Variants in ADAMTS9 observed in about 807,000 individuals in gnomAD.
ADAMTS9 encodes A disintegrin and metalloproteinase with thrombospondin motifs 9.
Under a neutral mutation model 257.1 loss-of-function variants are expected in ADAMTS9, and 107 were observed. The ratio of observed to expected loss-of-function variants is 0.42; its 90% CI spans 0.36 to 0.49. The LOEUF (loss-of-function observed/expected upper bound fraction) is 0.49. ADAMTS9 is among the 20% of genes least tolerant of loss of function. The probability of loss-of-function intolerance (pLI) is 0.03; values close to 1 mark genes in which losing one functional copy is unlikely to be tolerated. For synonymous variants in ADAMTS9, 982 were observed against 880.9 expected (o/e 1.11, Z -2.03); for missense variants, 2,353 against 2,469.1 (o/e 0.95, Z 1.00).
At chr3:64,643,549 C>T (rs956227052) in intron 11 of ADAMTS9, among the ~76,000 whole-genome samples, 51 of 147,770 alleles carry the variant, frequency 3.5e-4, no homozygotes, top group African/African-American at 1.1e-3. Context: ...ACGTCCCAGG[C>T]TCAACTGATC....
chr3:64,593,081 C>G (rs769884545), intron 28 of ADAMTS9, among the ~76,000 whole-genome samples: 20 of 152,154 alleles, frequency 1.3e-4, no homozygotes, highest in Non-Finnish European at 2.2e-4. Context: ...GACCAGAGCT[C>G]TCTGACCCAG....
rs142376222 is a variant in ADAMTS9, at chr3:64,631,993, T to C, written c.2176-68A>G. The stretch of plus-strand genomic sequence containing the variant: ...AGATTATAAAATGGCAAATAATGTG[T>C]TTCTTTTAATCGTGTGCACTAAAAA... On this transcript the variant is annotated intron_variant, in intron 14 of 39. Coordinates refer to ENST00000498707, the MANE Select transcript of ADAMTS9 (RefSeq NM_182920.2). The C allele has an allele frequency of 5.8e-4, 708 of 1,214,194 alleles. 5 individuals are homozygous for C. In the East Asian group the frequency reaches 0.015, roughly 26 times the overall value. The allele number at this position is 1,214,194 out of a possible 1,614,324, so 75.2% of individuals were successfully genotyped here. A position where few individuals can be genotyped will look rare whatever the true frequency, so the allele number is the denominator to read the frequency against.
In ADAMTS9 at chr3:64,522,480, G is replaced by A. The variant is rs150990345; in HGVS notation, c.5719-220C>T. On this transcript the variant is annotated intron_variant, in intron 38 of 39. Transcript: ENST00000498707. ...GTTTCTGTATGGCTTGCAAGCTAAG[G>A]ATGATTTTTATATTTTTAAATAATT... is the stretch of plus-strand genomic sequence containing the variant. 1,025 of 387,404 alleles carry A rather than the reference G, an allele frequency of 2.6e-3. 2 individuals carry two copies. Among genetic ancestry groups the A allele is most frequent in the Non-Finnish European group, 3.7e-3 (812 of 217,208 alleles). 24.0% of individuals were successfully genotyped at this position (387,404 alleles called of 1,614,324 possible). A position where few individuals can be genotyped will look rare whatever the true frequency, so the allele number is the denominator to read the frequency against.
chr3:64,674,386 G>A (rs1401104641), intron 3 of ADAMTS9, among the ~76,000 whole-genome samples: 1 of 152,180 alleles, frequency 6.6e-6, no homozygotes, highest in East Asian at 1.9e-4. Context: ...TTCATAATCA[G>A]TCTTGAGTTG....
At chr3:64,654,814 G>T in intron 6 of ADAMTS9, 1 of 588,296 alleles carries the variant, frequency 1.7e-6, no homozygotes, top group South Asian at 2.3e-5. Flanking sequence ...ACTACATTAA[G>T]AAGTTTTCTT....
chr3:64,631,860 G>A lies in ADAMTS9; in HGVS notation c.2241C>T (p.Gly747=), dbSNP rs997586195. The A allele has an allele frequency of 3.7e-6, 6 of 1,613,738 alleles. No homozygotes were observed. The highest frequency in any genetic ancestry group is 1.3e-5 in the African/African-American group (1 of 74,862). ...ARRDKCGVCG[G]DNSSCKTVAG... Reference sequence around the variant, plus strand: ...CCACTGTTTTGCATGAAGAATTATCGCCACCACAAACCCCACATTTATCTC... The same window carrying A: ...CCACTGTTTTGCATGAAGAATTATCACCACCACAAACCCCACATTTATCTC... Residue 747 remains glycine (G), a synonymous_variant, in exon 15 of 40, where the codon GGC becomes GGT. Transcript: ENST00000498707.
At chr3:64,620,774 C>T (rs1156795838) in intron 19 of ADAMTS9, among the ~76,000 whole-genome samples, 1 of 152,090 alleles carries the variant, frequency 6.6e-6, no homozygotes, top group Non-Finnish European at 1.5e-5. Flanking sequence ...ATGAGGTTCT[C>T]CCCCTTTTCT....
At chr3:64,559,021 G>A (rs2083380030) in intron 30 of ADAMTS9, among the ~76,000 whole-genome samples, 1 of 152,132 alleles carries the variant, frequency 6.6e-6, no homozygotes, top group Non-Finnish European at 1.5e-5. Flanking sequence ...TGAGGGCTGT[G>A]ATTTAGGGGA....
intron 22 of ADAMTS9, among the ~76,000 whole-genome samples, chr3:64,610,862 G>C (rs1167992755): frequency 6.6e-6 from 1 of 151,946 alleles, no homozygotes; most frequent in Admixed American, 6.6e-5. Context: ...AGATCACGAG[G>C]TCAGGAGATA....
At chr3:64,531,459 CATTGTGTACTTAAAAAAAAAAA>C (rs1419603580) in intron 38 of ADAMTS9, among the ~76,000 whole-genome samples, 1 of 149,226 alleles carries the variant, frequency 6.7e-6, no homozygotes, top group African/African-American at 2.5e-5. Flanking sequence ...AAACAGTGTT[CATTGTGTACTTAAAAAAAAAAA>C]AAAAGAGATG....
intron 30 of ADAMTS9, among the ~76,000 whole-genome samples, chr3:64,555,012 G>A (rs912255252): frequency 3.7e-4 from 57 of 152,260 alleles, no homozygotes; most frequent in African/African-American, 1.3e-3. Context: ...ACCATGGGGG[G>A]AAGAAAACCG....
rs1227579877 is a variant in ADAMTS9 at position 64,622,320 on chromosome 3, G to A, written c.2564C>T (p.Ser855Leu). The A allele has an allele frequency of 3.1e-6, 5 of 1,613,388 alleles. No individual in the cohort carries two copies. Among genetic ancestry groups the A allele is most frequent in the South Asian group, 2.2e-5 (2 of 91,018 alleles). Residue 855 changes from serine to leucine, a missense_variant, in exon 18 of 40, where the codon TCG (serine) becomes TTG (leucine). This residue lies in a region of ADAMTS9 where 1,402 missense variants were observed against 1,441.4 expected (regional missense o/e 0.97). Coordinates refer to ENST00000498707, the MANE Select transcript of ADAMTS9 (RefSeq NM_182920.2). The stretch of plus-strand genomic sequence containing the variant: ...ATCGGGGTTGTACAACTTTCCCACC[G>A]ACAAAACCTAGAATGTGTGGACAAA... Reference protein sequence around the residue: ...IEQELLLQVLSVGKLYNPDVR... With the variant: ...IEQELLLQVLLVGKLYNPDVR...
At position 64,607,069 on chromosome 3, in the gene ADAMTS9, G is replaced by A. The variant is rs148601444; in HGVS notation, c.3365C>T (p.Thr1122Ile). 9 of 1,613,624 alleles carry A rather than the reference G, an allele frequency of 5.6e-6. No homozygotes were observed. The African/African-American group carries it at 1.1e-4, about 19-fold the overall frequency. The stretch of plus-strand genomic sequence containing the variant: ...TCTTAGCTGGTATCCCTGTCCACAA[G>A]TGACACTGCACTGGAAGAAGGAGGA... ...QAGPWGQCSV[T>I]CGQGYQLRAV... Residue 1122 changes from threonine to isoleucine, a missense_variant, in exon 23 of 40, where the codon ACT becomes ATT. Thr to Ile is a moderately conservative substitution (Grantham distance 89). Transcript: ENST00000498707.
rs1046694133 is a variant in ADAMTS9 at position 64,633,722 on chromosome 3, G to T, written c.2014C>A (p.Arg672Ser). 1.2e-6 allele frequency: 2 copies of T among 1,613,558 alleles called. No homozygotes were observed. Among genetic ancestry groups the T allele is most frequent in the African/African-American group, 1.3e-5 (1 of 74,794 alleles). Residue 672 changes from arginine (R) to serine (S), a missense_variant, in exon 13 of 40, where the codon CGC (arginine) becomes AGC (serine). By Grantham distance (110) the Arg-to-Ser change is moderately radical (BLOSUM62 -1). This residue lies in a region of ADAMTS9 where 360 missense variants were observed against 458.1 expected (regional missense o/e 0.79). Transcript: ENST00000498707. ...CTTCCACTGTATTTAGGGACCCAGC[G>T]CACATTGGGAAGCAGACCGTTGATG... ...FNINGLLPNV[R>S]WVPKYSGILM...
chr3:64,687,586 G>C lies in ADAMTS9; in HGVS notation c.72C>G (p.Asp24Glu). 1 of 1,578,630 alleles carries C rather than the reference G, an allele frequency of 6.3e-7. No homozygotes were observed. Among genetic ancestry groups the C allele is most frequent in the Non-Finnish European group, 8.6e-7 (1 of 1,163,504 alleles). The change falls in exon 1 of 40, where the codon GAC becomes GAG. Residue 24 changes from aspartate to glutamate, a missense_variant. By Grantham distance (45) the Asp-to-Glu change is conservative. This residue lies in a region of ADAMTS9 where 591 missense variants were observed against 569.6 expected (regional missense o/e 1.04). Transcript: ENST00000498707. The surrounding 1 kb of genome is among the most constrained non-coding windows in gnomAD (Gnocchi z 4.4). ...VRDLAEMGSPDAAAAVRKDRL... is the reference protein window; with the variant it reads ...VRDLAEMGSPEAAAAVRKDRL... ...TGTCCTTGCGCACGGCCGCCGCGGC[G>C]TCTGGGCTCCCCATCTCGGCCAGGT...
chr3:64,601,869 G>T (rs2084468014), intron 26 of ADAMTS9, 75 bp downstream of exon 26: 1 of 1,490,494 alleles, frequency 6.7e-7, no homozygotes, highest in African/African-American at 1.4e-5. Flanking sequence ...ATGCTCTAAA[G>T]GTGTTTCTAG....
chr3:64,622,515 G>A lies in ADAMTS9; in HGVS notation c.2461C>T (p.Arg821Cys), dbSNP rs1464529267. 3.1e-6 allele frequency: 5 copies of A among 1,613,908 alleles called. No homozygotes were observed. Among genetic ancestry groups the A allele is most frequent in the Admixed American group, 3.3e-5 (2 of 59,980 alleles). The change falls in exon 17 of 40, where the codon CGC becomes TGC. Residue 821 changes from arginine (R) to cysteine (C), a missense_variant. Coordinates refer to ENST00000498707, the MANE Select transcript of ADAMTS9 (RefSeq NM_182920.2). ...FVVTMAKREIRIGNAVVEYSG... is the reference protein window; with the variant it reads ...FVVTMAKREICIGNAVVEYSG... ...TACTCTACCACAGCATTCCCAATGC[G>A]AATTTCCCTTTTGGCCATTGTGACA...
chr3:64,568,440 C>T lies in ADAMTS9; in HGVS notation c.4452G>A (p.Leu1484=), dbSNP rs775980668. 1 of 1,614,038 alleles carries T rather than the reference C, an allele frequency of 6.2e-7. No homozygotes were observed. The highest frequency in any genetic ancestry group is 2.2e-5 in the East Asian group (1 of 44,864). ...ACTTTCTGTGCCCATGTGGCTTAGC[C>T]AGGTGCTTACAGTAATCACTTTCTA... is the stretch of plus-strand genomic sequence containing the variant. The part of the protein sequence containing the change: ...SHLESDYCKH[L]AKPHGHRKCR... The change falls in exon 29 of 40, where the codon CTG becomes CTA. Residue 1484 remains leucine (L), a synonymous_variant. Coordinates refer to ENST00000498707, the MANE Select transcript of ADAMTS9 (RefSeq NM_182920.2).
In ADAMTS9 at chr3:64,522,273, G is replaced by A. The variant is rs759616592; in HGVS notation, c.5719-13C>T. 4 of 1,612,682 alleles carry A rather than the reference G, an allele frequency of 2.5e-6. No individual in the cohort carries two copies. Among genetic ancestry groups the A allele is most frequent in the Non-Finnish European group, 3.4e-6 (4 of 1,178,804 alleles). On this transcript the variant is annotated splice_polypyrimidine_tract_variant and intron_variant, in intron 38 of 39. Coordinates refer to ENST00000498707, the MANE Select transcript of ADAMTS9 (RefSeq NM_182920.2). ...CTCGGGTACCATCCTGCAAGGAGAT[G>A]CATCATGTTAGCCTGCCTGCTTGGT... is the stretch of plus-strand genomic sequence containing the variant.
Sources: allele counts gnomAD v4.1 joint callset (sites outside exome capture counted in the v4.1 genomes callset), GRCh38; gene constraint gnomAD v4.1.1; regional missense constraint gnomAD v4.1.1; non-coding constraint Gnocchi (gnomAD v3.1); transcripts MANE v1.5; gene names NCBI Gene and HGNC (gene_info 2026-07-23, HGNC 2026-07-21).